SUCLG2: variants seen among roughly 807,000 people sequenced by gnomAD.
SUCLG2 encodes succinate-CoA ligase GDP-forming subunit beta, also known as succinate--CoA ligase [GDP-forming] subunit beta, mitochondrial.
SUCLG2 carries 42 observed loss-of-function variants against 47.9 expected under a neutral mutation model. The ratio of observed to expected loss-of-function variants is 0.88; its 90% CI spans 0.69 to 1.14. The LOEUF (loss-of-function observed/expected upper bound fraction) is 1.14, where lower values mean the gene tolerates loss of function less well. Among genes scored for constraint, SUCLG2 ranks in the 50% most tolerant of loss-of-function variants. The pLI is 0.00. For synonymous variants in SUCLG2, 195 were observed against 197.3 expected (o/e 0.99, Z 0.10); for missense variants, 571 against 525.9 (o/e 1.09, Z -0.84).
intron 2 of SUCLG2, among the ~76,000 whole-genome samples, chr3:67,543,373 G>A (rs761282025): frequency 2.0e-5 from 3 of 152,214 alleles, no homozygotes; most frequent in Non-Finnish European, 4.4e-5. Context: ...GTTGGGTGTG[G>A]TGGCTCATGC....
intron 9 of SUCLG2, among the ~76,000 whole-genome samples, chr3:67,416,376 T>C (rs1703038661): frequency 6.6e-6 from 1 of 152,194 alleles, no homozygotes; most frequent in Non-Finnish European, 1.5e-5. Flanking sequence ...CATACTGAAA[T>C]ATACTAAACT....
intron 9 of SUCLG2, chr3:67,408,689 A>G: frequency 8.5e-7 from 1 of 1,177,058 alleles, no homozygotes; most frequent in Non-Finnish European, 1.0e-6. Flanking sequence ...ATATTCTATA[A>G]TTTACTCCTT....
intron 10 of SUCLG2, among the ~76,000 whole-genome samples, chr3:67,368,681 C>A (rs1194904844): frequency 1.3e-5 from 2 of 152,152 alleles, no homozygotes; most frequent in African/African-American, 2.4e-5. Flanking sequence ...TCTTGGCTCA[C>A]TGAAACCTCC....
At chr3:67,600,123 A>G (rs1417550501) in intron 2 of SUCLG2, among the ~76,000 whole-genome samples, 1 of 152,214 alleles carries the variant, frequency 6.6e-6, no homozygotes, top group East Asian at 1.9e-4. Context: ...TTTGACTTAC[A>G]TCTTCATCTA....
chr3:67,466,119 G>C (rs559901824), intron 9 of SUCLG2, among the ~76,000 whole-genome samples: 1 of 152,078 alleles, frequency 6.6e-6, no homozygotes, highest in African/African-American at 2.4e-5. Context: ...TTGGGAGGCT[G>C]AGGCAGGTGG....
chr3:67,415,058 GT>G (rs1231453563), intron 9 of SUCLG2, among the ~76,000 whole-genome samples: 4 of 152,256 alleles, frequency 2.6e-5, no homozygotes, highest in African/African-American at 9.6e-5. Context: ...GCCTCGCTAT[GT>G]TGCCTAGGCT....
At chr3:67,442,160 G>A (rs1283909311) in intron 9 of SUCLG2, among the ~76,000 whole-genome samples, 2 of 148,762 alleles carry the variant, frequency 1.3e-5, no homozygotes, top group Non-Finnish European at 3.0e-5. Context: ...ACAGGCGCCC[G>A]CCACTACGCC....
chr3:67,530,046 C>T (rs1011382611), intron 2 of SUCLG2, among the ~76,000 whole-genome samples: 7 of 152,178 alleles, frequency 4.6e-5, no homozygotes, highest in Non-Finnish European at 8.8e-5. Flanking sequence ...AAATAGCACA[C>T]AACTGCAGAC....
chr3:67,395,285 G>A (rs1389309517), intron 10 of SUCLG2, among the ~76,000 whole-genome samples: 14 of 152,082 alleles, frequency 9.2e-5, no homozygotes, highest in Non-Finnish European at 1.9e-4. Flanking sequence ...CCCATCTCAT[G>A]TGCAGAGACA....
chr3:67,557,909 A>C (rs1707203948), intron 2 of SUCLG2, among the ~76,000 whole-genome samples: 2 of 152,198 alleles, frequency 1.3e-5, no homozygotes, highest in East Asian at 3.9e-4. Flanking sequence ...CTAGTTTGCA[A>C]AATAACAATC....
chr3:67,532,565 G>A (rs541951853), intron 2 of SUCLG2, among the ~76,000 whole-genome samples: 3 of 152,238 alleles, frequency 2.0e-5, no homozygotes, highest in Admixed American at 1.3e-4. Flanking sequence ...AGTATGCAAC[G>A]TCTTCACTAA....
chr3:67,573,892 G>A (rs1707682067), intron 2 of SUCLG2, among the ~76,000 whole-genome samples: 1 of 152,114 alleles, frequency 6.6e-6, no homozygotes, highest in South Asian at 2.1e-4. Flanking sequence ...CTGAACTAAG[G>A]AAAAGTCCTG....
chr3:67,596,140 A>G (rs1708287622), intron 2 of SUCLG2, among the ~76,000 whole-genome samples: 1 of 152,166 alleles, frequency 6.6e-6, no homozygotes, highest in African/African-American at 2.4e-5. Flanking sequence ...AAAGGCAAGG[A>G]GTGGTTTGGT....
intron 2 of SUCLG2, among the ~76,000 whole-genome samples, chr3:67,596,872 T>C (rs1189114619): frequency 6.6e-6 from 1 of 152,030 alleles, no homozygotes; most frequent in African/African-American, 2.4e-5. Context: ...TTTCCAGAAG[T>C]AGGGGAGGCA....
At chr3:67,641,459 T>C (rs1040895042) in intron 1 of SUCLG2, among the ~76,000 whole-genome samples, 5 of 152,108 alleles carry the variant, frequency 3.3e-5, no homozygotes, top group African/African-American at 1.2e-4. Flanking sequence ...TGGTGCAAAG[T>C]TACAAATTTC....
intron 9 of SUCLG2, among the ~76,000 whole-genome samples, chr3:67,428,154 T>A (rs569802809): frequency 6.6e-6 from 1 of 152,226 alleles, no homozygotes; most frequent in South Asian, 2.1e-4. Context: ...CTCAAGTGGG[T>A]CCCTGACCCC....
chr3:67,560,755 C>G lies in SUCLG2; in HGVS notation c.227-31569G>C, dbSNP rs1026535005. ...TAGTGCCTCCTCCAAGTAACTCCTT[C>G]ACACACAGAACATCACACCAGGTCT... On this transcript the variant is annotated intron_variant, in intron 2 of 10. Coordinates refer to ENST00000307227, the MANE Select transcript of SUCLG2 (RefSeq NM_003848.4). 2.6e-5 allele frequency among the ~76,000 whole-genome samples: 4 copies of G among 151,978 alleles called. No individual in the cohort carries two copies. In the South Asian group the frequency reaches 8.3e-4, roughly 32 times the overall value.
chr3:67,443,959 T>TG (rs1193403291), intron 9 of SUCLG2, among the ~76,000 whole-genome samples: 831 of 61,148 alleles, frequency 0.014, 2 homozygotes, highest in African/African-American at 0.028. Flanking sequence ...GGGAGGGAGG[T>TG]GGGGGGGGGT....
rs181899549 is a variant in SUCLG2, at chr3:67,448,941, A to G, written c.1062+46857T>C. Among the ~76,000 whole-genome samples the G allele has an allele frequency of 2.8e-4, 42 of 152,348 alleles. No individual in the cohort carries two copies. In the East Asian group the frequency reaches 7.9e-3, roughly 29 times the overall value. ...TTTGAATTCCATTGAGATAGTAATG[A>G]ACACAGAATTGTAACAATAGACAGA... On this transcript the variant is annotated intron_variant, in intron 9 of 10. Coordinates refer to ENST00000307227, the MANE Select transcript of SUCLG2 (RefSeq NM_003848.4).
Sources: gnomAD v4.1 joint callset for allele counts (sites outside exome capture counted in the v4.1 genomes callset) on GRCh38, gnomAD v4.1.1 for gene constraint, MANE v1.5 for transcripts, NCBI Gene and HGNC (gene_info 2026-07-23, HGNC 2026-07-21) for gene names.